SPOCK1: variants seen among roughly 807,000 people sequenced by gnomAD.
SPOCK1 encodes SPARC (osteonectin), cwcv and kazal like domains proteoglycan 1.
In SPOCK1, 23 loss-of-function variants were observed where a neutral mutation model predicts 55.3. The observed-to-expected ratio is 0.42, with a 90% CI of 0.30 to 0.59. The LOEUF (loss-of-function observed/expected upper bound fraction) is 0.59. Ranked by LOEUF, SPOCK1 falls within the 20% of genes least tolerant of loss-of-function variation. The pLI is 0.22. For synonymous variants in SPOCK1, 226 were observed against 221.0 expected (o/e 1.02, Z -0.20); for missense variants, 499 against 552.5 (o/e 0.90, Z 0.97).
chr5:137,023,117 T>C (rs1045579868), intron 6 of SPOCK1, among the ~76,000 whole-genome samples: 2 of 152,204 alleles, frequency 1.3e-5, no homozygotes, highest in African/African-American at 4.8e-5. Flanking sequence ...GGACAACTTG[T>C]ATGCTTTCTT....
At chr5:137,108,843 C>T (rs1245760056) in intron 5 of SPOCK1, among the ~76,000 whole-genome samples, 5 of 152,128 alleles carry the variant, frequency 3.3e-5, no homozygotes, top group African/African-American at 1.2e-4. Context: ...AGGGGTCTCC[C>T]CAATCCTTCT....
intron 3 of SPOCK1, among the ~76,000 whole-genome samples, chr5:137,264,320 C>T (rs577936804): frequency 6.6e-6 from 1 of 152,336 alleles, no homozygotes; most frequent in African/African-American, 2.4e-5. Flanking sequence ...CAAAGACTTT[C>T]TATGGCACCC....
intron 2 of SPOCK1, among the ~76,000 whole-genome samples, chr5:137,373,620 C>T (rs1380116643): frequency 6.6e-6 from 1 of 152,216 alleles, no homozygotes; most frequent in African/African-American, 2.4e-5. Flanking sequence ...CTGAATGACC[C>T]CACCTGGACG....
chr5:137,209,710 A>G (rs1466497803), intron 3 of SPOCK1, among the ~76,000 whole-genome samples: 1 of 152,038 alleles, frequency 6.6e-6, no homozygotes, highest in African/African-American at 2.4e-5. Flanking sequence ...TCGCCTAACA[A>G]TGGCCAGGAA....
At chr5:137,208,948 T>A (rs188943230) in intron 3 of SPOCK1, among the ~76,000 whole-genome samples, 1 of 152,032 alleles carries the variant, frequency 6.6e-6, no homozygotes, top group East Asian at 1.9e-4. Context: ...TGGAGTTAGC[T>A]CTGTCTGACT....
At chr5:137,438,376 C>T (rs1469471453) in intron 2 of SPOCK1, among the ~76,000 whole-genome samples, 1 of 152,082 alleles carries the variant, frequency 6.6e-6, no homozygotes, top group East Asian at 1.9e-4. Flanking sequence ...GAGGAATGCC[C>T]AAGGGTGACA....
intron 6 of SPOCK1, among the ~76,000 whole-genome samples, chr5:137,038,001 C>A (rs764360858): frequency 3.5e-4 from 53 of 152,178 alleles, no homozygotes; most frequent in Non-Finnish European, 5.9e-4. Flanking sequence ...AACAACAGAC[C>A]TTTCTACCTA....
intron 2 of SPOCK1, among the ~76,000 whole-genome samples, chr5:137,398,621 A>T (rs1751906992): frequency 6.6e-6 from 1 of 152,220 alleles, no homozygotes; most frequent in South Asian, 2.1e-4. Flanking sequence ...ATAAAGCAGG[A>T]GACACCCAGA....
chr5:137,088,743 A>G (rs1380771653), intron 5 of SPOCK1, among the ~76,000 whole-genome samples: 1 of 152,154 alleles, frequency 6.6e-6, no homozygotes, highest in Non-Finnish European at 1.5e-5. Flanking sequence ...ATGATACCAC[A>G]TCGGTCACAA....
chr5:137,303,543 G>A (rs1757644117), intron 2 of SPOCK1, among the ~76,000 whole-genome samples: 1 of 152,206 alleles, frequency 6.6e-6, no homozygotes, highest in Admixed American at 6.5e-5. Flanking sequence ...CAGCGATTGA[G>A]AATCAGGTCA....
At chr5:137,275,698 T>C (rs1008127721) in intron 2 of SPOCK1, among the ~76,000 whole-genome samples, 2 of 152,128 alleles carry the variant, frequency 1.3e-5, no homozygotes, top group Admixed American at 6.5e-5. Context: ...TTCTGGAGCT[T>C]TCCAGAGTTG....
chr5:137,275,470 C>T (rs1757048232), intron 2 of SPOCK1, among the ~76,000 whole-genome samples: 1 of 152,232 alleles, frequency 6.6e-6, no homozygotes, highest in Non-Finnish European at 1.5e-5. Flanking sequence ...TGGGGCTTTT[C>T]AAACTCTGAT....
At chr5:137,373,629 C>T (rs772866141) in intron 2 of SPOCK1, among the ~76,000 whole-genome samples, 3 of 152,200 alleles carry the variant, frequency 2.0e-5, no homozygotes, top group Non-Finnish European at 4.4e-5. Flanking sequence ...CCCACCTGGA[C>T]GGCAGGTGGC....
chr5:137,450,608 G>T (rs942670567), intron 2 of SPOCK1, among the ~76,000 whole-genome samples: 1 of 152,116 alleles, frequency 6.6e-6, no homozygotes, highest in South Asian at 2.1e-4. Context: ...TTAACAAGAG[G>T]CCTCATATTT....
At chr5:137,088,513 T>C (rs1028004230) in intron 5 of SPOCK1, among the ~76,000 whole-genome samples, 1 of 152,176 alleles carries the variant, frequency 6.6e-6, no homozygotes, top group Admixed American at 6.5e-5. Flanking sequence ...ATTATCAGGA[T>C]GCCAAATCTA....
At chr5:137,292,535 T>C (rs2905554) in intron 2 of SPOCK1, among the ~76,000 whole-genome samples, 128,171 of 150,936 alleles carry the variant, frequency 0.85, 54,492 homozygotes, top group African/African-American at 0.9. Flanking sequence ...TCTGAAAAGA[T>C]GGAGTCACCC....
At chr5:137,312,167 C>T (rs755879257) in intron 2 of SPOCK1, among the ~76,000 whole-genome samples, 1 of 152,202 alleles carries the variant, frequency 6.6e-6, no homozygotes, top group East Asian at 1.9e-4. Context: ...CTGGAAACCC[C>T]CTAGGGGATG....
At chr5:137,394,389 T>C (rs1751796888) in intron 2 of SPOCK1, among the ~76,000 whole-genome samples, 1 of 152,220 alleles carries the variant, frequency 6.6e-6, no homozygotes, top group African/African-American at 2.4e-5. Flanking sequence ...GAGAAAGTCC[T>C]AAAATTGTTG....
intron 2 of SPOCK1, among the ~76,000 whole-genome samples, chr5:137,280,671 A>G (rs1757152587): frequency 6.6e-6 from 1 of 152,218 alleles, no homozygotes; most frequent in African/African-American, 2.4e-5. Flanking sequence ...GAACTACTAA[A>G]ACAGAATCTC....
Sources: allele counts gnomAD v4.1 joint callset (sites outside exome capture counted in the v4.1 genomes callset), GRCh38; gene constraint gnomAD v4.1.1; transcripts MANE v1.5; gene names NCBI Gene and HGNC (gene_info 2026-07-23, HGNC 2026-07-21).